Variants in MED12L observed in about 807,000 individuals in gnomAD.
The protein encoded by MED12L is mediator of RNA polymerase II transcription subunit 12-like protein.
A neutral mutation model predicts 281.3 loss-of-function variants in MED12L; 60 were observed. The ratio of observed to expected loss-of-function variants is 0.21; its 90% CI spans 0.17 to 0.26. The LOEUF (loss-of-function observed/expected upper bound fraction) is 0.26, where lower values mean the gene tolerates loss of function less well. MED12L is among the 10% of genes least tolerant of loss of function. The pLI, the probability that MED12L is intolerant of heterozygous loss-of-function variation, is 1.00. For synonymous variants in MED12L, 974 were observed against 987.2 expected (o/e 0.99, Z 0.25); for missense variants, 2,146 against 2,680.9 (o/e 0.80, Z 4.41).
At chr3:151,155,158 A>G (rs990236784) in intron 5 of MED12L, among the ~76,000 whole-genome samples, 1 of 152,190 alleles carries the variant, frequency 6.6e-6, no homozygotes. Context: ...GGGAGAACCT[A>G]TTGCTGAATA....
intron 16 of MED12L, among the ~76,000 whole-genome samples, chr3:151,247,501 C>G (rs1436259159): frequency 6.6e-6 from 1 of 150,834 alleles, no homozygotes; most frequent in African/African-American, 2.4e-5. Flanking sequence ...TCTCAGTAAA[C>G]TATCGCAAGA....
At chr3:151,157,706 G>A (rs1315919285) in intron 6 of MED12L, among the ~76,000 whole-genome samples, 1 of 152,108 alleles carries the variant, frequency 6.6e-6, no homozygotes, top group East Asian at 1.9e-4. Flanking sequence ...TGGCCTCACT[G>A]TAAACTTTGA....
intron 11 of MED12L, among the ~76,000 whole-genome samples, chr3:151,176,875 C>A (rs2149034821): frequency 6.6e-6 from 1 of 152,310 alleles, no homozygotes; most frequent in Non-Finnish European, 1.5e-5. Context: ...AAACTTTCTC[C>A]CCATCTACCT....
At position 151,365,973 on chromosome 3, in the gene MED12L, T is replaced by C. The variant is rs781069095; in HGVS notation, c.3309T>C (p.Asp1103=). 6 of 1,610,862 alleles carry C rather than the reference T, an allele frequency of 3.7e-6. No individual in the cohort carries two copies. In the South Asian group the frequency reaches 5.5e-5, roughly 15 times the overall value. Residue 1103 remains aspartate, a synonymous_variant, in exon 23 of 45, where the codon GAT becomes GAC. Coordinates refer to ENST00000687756, the MANE Select transcript of MED12L (RefSeq NM_001393769.1). ...CAAATCACGTGTGGGGGTTTAATGA[T>C]GTACTTTGCACTGTAGATGTAAGTT... ...CSSNHVWGFN[D]VLCTVDVSDL... is the part of the protein sequence containing the mutation.
chr3:151,244,708 C>T (rs1440367400), intron 16 of MED12L, among the ~76,000 whole-genome samples: 1 of 151,296 alleles, frequency 6.6e-6, no homozygotes, highest in African/African-American at 2.4e-5. Context: ...ATTAAAAGAA[C>T]TAGAAAAGCA....
chr3:151,333,113 A>G (rs913240532), intron 16 of MED12L, among the ~76,000 whole-genome samples: 5 of 152,176 alleles, frequency 3.3e-5, no homozygotes, highest in African/African-American at 1.2e-4. Flanking sequence ...CTCATGGTGT[A>G]TATGTACCAC....
intron 2 of MED12L, among the ~76,000 whole-genome samples, chr3:151,088,952 G>A (rs143119088): frequency 7.9e-5 from 12 of 152,230 alleles, no homozygotes; most frequent in Non-Finnish European, 1.6e-4. Flanking sequence ...GTTATGTGTG[G>A]CTGTAGCCAA....
chr3:151,431,129 G>A (rs1403830006), intron 44 of MED12L, among the ~76,000 whole-genome samples: 2 of 152,192 alleles, frequency 1.3e-5, no homozygotes, highest in East Asian at 3.9e-4. Flanking sequence ...TATTAGCCTG[G>A]AAGTCAGAAG....
chr3:151,298,587 A>G (rs1745419634), intron 16 of MED12L, among the ~76,000 whole-genome samples: 1 of 152,200 alleles, frequency 6.6e-6, no homozygotes, highest in Admixed American at 6.5e-5. Flanking sequence ...TTTTAAATTA[A>G]CAAATGCAGT....
chr3:151,359,773 AG>A (rs1446737457), intron 20 of MED12L, among the ~76,000 whole-genome samples: 1 of 152,152 alleles, frequency 6.6e-6, no homozygotes, highest in African/African-American at 2.4e-5. Context: ...ACAAAATACA[AG>A]ATGGTGATGG....
At chr3:151,354,668 A>G (rs1753696158) in intron 17 of MED12L, among the ~76,000 whole-genome samples, 1 of 152,216 alleles carries the variant, frequency 6.6e-6, no homozygotes. Flanking sequence ...ACTACTCACT[A>G]GAATGGTTAA....
At chr3:151,163,594 C>T (rs887364639) in intron 8 of MED12L, among the ~76,000 whole-genome samples, 5 of 151,848 alleles carry the variant, frequency 3.3e-5, no homozygotes, top group South Asian at 4.2e-4. Flanking sequence ...GTTTAAGTGA[C>T]GATTTTTAAG....
chr3:151,294,887 A>C (rs761402212), intron 16 of MED12L: 1 of 1,614,112 alleles, frequency 6.2e-7, no homozygotes, highest in South Asian at 1.1e-5. Flanking sequence ...TGCATAAAAC[A>C]AAACTGAAGT....
intron 16 of MED12L, among the ~76,000 whole-genome samples, chr3:151,339,157 A>G (rs1221073277): frequency 6.6e-6 from 1 of 152,114 alleles, no homozygotes; most frequent in East Asian, 1.9e-4. Flanking sequence ...GAGCTCACTC[A>G]TATTTATATG....
intron 5 of MED12L, among the ~76,000 whole-genome samples, chr3:151,149,049 G>T (rs2148900650): frequency 6.6e-6 from 1 of 151,730 alleles, no homozygotes; most frequent in East Asian, 2.0e-4. Flanking sequence ...TTTGTTTCAA[G>T]AAATGAGAGA....
chr3:151,347,152 CTT>C (rs34498005), intron 16 of MED12L, among the ~76,000 whole-genome samples: 60,638 of 151,736 alleles, frequency 0.4, 12,796 homozygotes, highest in Non-Finnish European at 0.48. Flanking sequence ...ACCCTACAAA[CTT>C]TTTTACTCTA....
intron 38 of MED12L, among the ~76,000 whole-genome samples, chr3:151,393,098 T>C (rs1714501734): frequency 6.6e-6 from 1 of 152,202 alleles, no homozygotes; most frequent in South Asian, 2.1e-4. Flanking sequence ...TAGAAGAAGA[T>C]GGCTGAGGCA....
chr3:151,247,641 T>A (rs1309193692), intron 16 of MED12L, among the ~76,000 whole-genome samples: 1 of 141,400 alleles, frequency 7.1e-6, no homozygotes, highest in African/African-American at 2.6e-5. Flanking sequence ...GGGATAGCAT[T>A]GGGAGATGTA....
intron 5 of MED12L, among the ~76,000 whole-genome samples, chr3:151,145,517 C>G (rs60532249): frequency 1.3e-5 from 2 of 152,130 alleles, no homozygotes; most frequent in African/African-American, 4.8e-5. Flanking sequence ...CTGGCGTATT[C>G]AAAACTAAAC....
Sources: allele counts gnomAD v4.1 joint callset (sites outside exome capture counted in the v4.1 genomes callset), GRCh38; gene constraint gnomAD v4.1.1; transcripts MANE v1.5; gene names NCBI Gene and HGNC (gene_info 2026-07-23, HGNC 2026-07-21).